Variants in STPG2 observed in about 807,000 individuals in gnomAD.
STPG2 encodes the protein sperm tail PG-rich repeat containing 2.
Under a neutral mutation model 54.2 loss-of-function variants are expected in STPG2, and 56 were observed. The observed-to-expected ratio is 1.03, with a 90% CI of 0.83 to 1.29. The LOEUF (loss-of-function observed/expected upper bound fraction) is 1.29, where lower values mean the gene tolerates loss of function less well. Among genes scored for constraint, STPG2 ranks in the 50% most tolerant of loss-of-function variants. STPG2 has a pLI of 0.00. For missense variants in STPG2, 596 were observed against 544.9 expected (o/e 1.09, Z -0.93); for synonymous variants, 200 against 181.8 (o/e 1.10, Z -0.81).
At chr4:98,129,722 T>G (rs558284184) in intron 2 of STPG2, among the ~76,000 whole-genome samples, 3 of 152,348 alleles carry the variant, frequency 2.0e-5, no homozygotes, top group Admixed American at 6.5e-5. Context: ...TTAAAGCATT[T>G]AGTTACTGGG....
At chr4:98,107,941 G>A (rs1346700282) in intron 4 of STPG2, among the ~76,000 whole-genome samples, 1 of 151,946 alleles carries the variant, frequency 6.6e-6, no homozygotes, top group African/African-American at 2.4e-5. Context: ...ATTAAGTAAA[G>A]ACTTAATTAA....
intron 10 of STPG2, among the ~76,000 whole-genome samples, chr4:97,656,350 C>G (rs923296963): frequency 6.6e-6 from 1 of 152,028 alleles, no homozygotes; most frequent in Admixed American, 6.6e-5. Context: ...AGGTTTGTGG[C>G]ATGTACTGTT....
chr4:97,962,222 G>C (rs776188687), intron 7 of STPG2, among the ~76,000 whole-genome samples: 1 of 152,122 alleles, frequency 6.6e-6, no homozygotes, highest in Non-Finnish European at 1.5e-5. Context: ...GGGTGGAAGG[G>C]AAAGAGGAAT....
chr4:97,849,815 T>C lies in STPG2; in HGVS notation c.1045-8883A>G, dbSNP rs1303714892. Among the ~76,000 whole-genome samples the C allele has an allele frequency of 5.9e-5, 9 of 152,118 alleles. No individual in the cohort carries two copies. In the East Asian group the frequency reaches 1.8e-3, roughly 30 times the overall value. On this transcript the variant is annotated intron_variant, in intron 8 of 10. Transcript: ENST00000295268. Reference sequence around the variant, plus strand: ...TGGAGAAATAGGAACACTTTTACACTGTTGGTGGGACTGTCAACTAGTTGA... The same window carrying C: ...TGGAGAAATAGGAACACTTTTACACCGTTGGTGGGACTGTCAACTAGTTGA...
intron 4 of STPG2, among the ~76,000 whole-genome samples, chr4:97,519,163 T>C (rs899332843): frequency 6.6e-6 from 1 of 151,934 alleles, no homozygotes; most frequent in Non-Finnish European, 1.5e-5. Flanking sequence ...ATGGGAGAAG[T>C]AATTAAAAAG....
At chr4:97,541,195 T>C (rs1411604734) in intron 4 of STPG2, among the ~76,000 whole-genome samples, 1 of 152,096 alleles carries the variant, frequency 6.6e-6, no homozygotes, top group Admixed American at 6.6e-5. Flanking sequence ...TGTTTGCAGA[T>C]GACATGATTG....
At chr4:97,768,355 C>A (rs1245602872) in intron 9 of STPG2, among the ~76,000 whole-genome samples, 1 of 152,068 alleles carries the variant, frequency 6.6e-6, no homozygotes, top group Non-Finnish European at 1.5e-5. Flanking sequence ...AGTGTTACAG[C>A]CTGCAAGGTG....
chr4:97,930,027 T>G (rs1398034862), intron 8 of STPG2, among the ~76,000 whole-genome samples: 1 of 152,098 alleles, frequency 6.6e-6, no homozygotes, highest in East Asian at 1.9e-4. Context: ...AGCCTCCCGA[T>G]ACCTGGGACT....
chr4:97,515,067 G>T (rs1054934055), intron 4 of STPG2, among the ~76,000 whole-genome samples: 1 of 152,028 alleles, frequency 6.6e-6, no homozygotes, highest in Non-Finnish European at 1.5e-5. Flanking sequence ...TAAGATGAAC[G>T]TGAGACGTGA....
intron 5 of STPG2, among the ~76,000 whole-genome samples, chr4:98,093,112 A>C (rs1234081397): frequency 6.6e-6 from 1 of 152,232 alleles, no homozygotes; most frequent in Non-Finnish European, 1.5e-5. Flanking sequence ...ATTTTGTATT[A>C]CCAAATTAAA....
At chr4:98,108,153 T>A (rs1201292665) in intron 4 of STPG2, among the ~76,000 whole-genome samples, 3 of 152,112 alleles carry the variant, frequency 2.0e-5, no homozygotes, top group East Asian at 1.9e-4. Context: ...CAAACAATGT[T>A]TACTCAATGA....
At chr4:97,777,002 G>A (rs952334015) in intron 9 of STPG2, among the ~76,000 whole-genome samples, 1 of 152,014 alleles carries the variant, frequency 6.6e-6, no homozygotes, top group Admixed American at 6.6e-5. Context: ...TACCTCACAA[G>A]TTTCTTTTAA....
intron 4 of STPG2, among the ~76,000 whole-genome samples, chr4:97,515,755 CTA>C (rs956804324): frequency 2.0e-5 from 3 of 151,736 alleles, no homozygotes; most frequent in Admixed American, 1.3e-4. Context: ...ATATTAGAAA[CTA>C]TGTTTCCTTT....
intron 10 of STPG2, among the ~76,000 whole-genome samples, chr4:97,631,927 A>G (rs1721295698): frequency 6.6e-6 from 1 of 152,116 alleles, no homozygotes; most frequent in Non-Finnish European, 1.5e-5. Flanking sequence ...TGTTTTAATG[A>G]AAGACAAAAA....
At chr4:98,134,489 A>G (rs755725627) in intron 1 of STPG2, 30 bp from the exon 2 acceptor site, 1 of 1,213,504 alleles carries the variant, frequency 8.2e-7, no homozygotes, top group South Asian at 1.6e-5. Flanking sequence ...TGACCAGCAG[A>G]TAAGATAAGA....
At chr4:97,964,932 G>A (rs1350252129) in intron 7 of STPG2, among the ~76,000 whole-genome samples, 2 of 152,186 alleles carry the variant, frequency 1.3e-5, no homozygotes, top group African/African-American at 4.8e-5. Context: ...TGAGGCAGAA[G>A]GCAGGTGACT....
At chr4:97,876,569 TAG>T (rs1730178206) in intron 8 of STPG2, among the ~76,000 whole-genome samples, 1 of 152,114 alleles carries the variant, frequency 6.6e-6, no homozygotes, top group South Asian at 2.1e-4. Context: ...CTTTGTTTTC[TAG>T]AGTTTAGGGA....
chr4:97,986,265 T>TA (rs1227786812), intron 5 of STPG2, among the ~76,000 whole-genome samples: 1 of 152,224 alleles, frequency 6.6e-6, no homozygotes, highest in African/African-American at 2.4e-5. Context: ...GAGCCATACA[T>TA]ACCACAGGTG....
intron 5 of STPG2, among the ~76,000 whole-genome samples, chr4:98,099,029 C>A (rs1464896799): frequency 6.6e-6 from 1 of 151,912 alleles, no homozygotes; most frequent in East Asian, 1.9e-4. Context: ...ATTAGTGTAA[C>A]CACTATGAAG....
Sources: allele counts gnomAD v4.1 joint callset (sites outside exome capture counted in the v4.1 genomes callset), GRCh38; gene constraint gnomAD v4.1.1; transcripts MANE v1.5; gene names NCBI Gene and HGNC (gene_info 2026-07-23, HGNC 2026-07-21).